The following CLN6 variants were observed in gnomAD, a reference collection of about 807,000 sequenced individuals.
The protein encoded by CLN6 is ceroid-lipofuscinosis neuronal protein 6.
Under a neutral mutation model 33.3 loss-of-function variants are expected in CLN6, and 22 were observed. That is an observed-to-expected ratio of 0.66 (90% CI 0.47 to 0.94). The LOEUF (loss-of-function observed/expected upper bound fraction) is 0.94, where lower values mean the gene tolerates loss of function less well. CLN6 is among the 40% of genes least tolerant of loss of function. The pLI is 0.00. For synonymous variants in CLN6, 201 were observed against 174.6 expected, an observed-to-expected ratio of 1.15 and a Z score of -1.19; for missense variants, 387 against 417.1, an observed-to-expected ratio of 0.93 and a Z score of 0.63.
In CLN6 at chr15:68,211,272, T is replaced by C. The variant is rs1470437751; in HGVS notation, c.533A>G (p.His178Arg). The C allele has an allele frequency of 6.2e-7, 1 of 1,613,884 alleles. No individual in the cohort carries two copies. Among genetic ancestry groups the C allele is most frequent in the Non-Finnish European group, 8.5e-7 (1 of 1,180,000 alleles). Reference protein sequence around the residue: ...LLYYYDEYLGHCMWYIPFFLI... With the variant: ...LLYYYDEYLGRCMWYIPFFLI... ...TGGGCCCATCACTCACCACATGCAGTGACCCAGGTACTCATCATAATAGTA... is the reference window on the plus strand; with the variant it reads ...TGGGCCCATCACTCACCACATGCAGCGACCCAGGTACTCATCATAATAGTA... The change falls in exon 5 of 7, where the codon CAC (histidine) becomes CGC (arginine). Residue 178 changes from histidine (H) to arginine (R), a missense_variant. His to Arg is a conservative substitution (Grantham distance 29). Transcript: ENST00000249806. The surrounding 1 kb of genome is among the most constrained non-coding windows in gnomAD (Gnocchi z 5.9).
upstream of CLN6, among the ~76,000 whole-genome samples, chr15:68,233,309 G>T (rs8041416): frequency 6.7e-6 from 1 of 148,680 alleles, no homozygotes; most frequent in Non-Finnish European, 1.5e-5. The surrounding 1 kb of genome is among the most constrained non-coding windows in gnomAD (Gnocchi z 4.3). Flanking sequence ...ACGGGGGGGT[G>T]GGGGGGGTGG....
At chr15:68,254,212 G>A (rs182231070) in intron 1 of CLN6, among the ~76,000 whole-genome samples, 1 of 152,232 alleles carries the variant, frequency 6.6e-6, no homozygotes, top group Non-Finnish European at 1.5e-5. Context: ...TCAAGAAAAT[G>A]GTCGACATGA....
chr15:68,226,175 TG>T (rs1046357395), intron 1 of CLN6, among the ~76,000 whole-genome samples: 1 of 151,688 alleles, frequency 6.6e-6, no homozygotes, highest in Non-Finnish European at 1.5e-5. Context: ...AAAAATTAGC[TG>T]GGCGTGGTGC....
At chr15:68,230,286 G>A (rs1344853988), upstream of CLN6, among the ~76,000 whole-genome samples, 1 of 152,110 alleles carries the variant, frequency 6.6e-6, no homozygotes, top group African/African-American at 2.4e-5. The surrounding 1 kb of genome is among the most constrained non-coding windows in gnomAD (Gnocchi z 4.0). Flanking sequence ...CCCCTGGGTG[G>A]ATAGTGGAGG....
intron 1 of CLN6, among the ~76,000 whole-genome samples, chr15:68,225,470 G>C (rs183249708): frequency 6.6e-6 from 1 of 152,030 alleles, no homozygotes; most frequent in African/African-American, 2.4e-5. Context: ...TTAGGGTAGG[G>C]GACTAATATC....
In CLN6 at chr15:68,207,495, C is replaced by A. The variant is rs1237707627; in HGVS notation, c.*645G>T. ...GGGCAGGGGTCTGGAGTGCACATAG[C>A]CCCCAGGCAGGGAGAGGGCAGTGAC... is the stretch of plus-strand genomic sequence containing the variant. On this transcript the variant is annotated 3_prime_UTR_variant, in exon 7 of 7. Transcript: ENST00000249806. The A allele has an allele frequency of 6.1e-6, 1 of 163,168 alleles. No individual in the cohort carries two copies. Among genetic ancestry groups the A allele is most frequent in the Non-Finnish European group, 1.4e-5 (1 of 73,496 alleles). 10.1% of individuals were successfully genotyped at this position (163,168 alleles called of 1,614,324 possible).
chr15:68,229,598 G>A lies in CLN6; in HGVS notation c.-14C>T, dbSNP rs1374923458. ...CGTCGCCTCCATGGCTGCCCCGCAG[G>A]CCCCTCGGCCCTGCCTTTCCGAGGA... On this transcript the variant is annotated 5_prime_UTR_variant, in exon 1 of 7. Transcript: ENST00000249806. The A allele has an allele frequency of 2.1e-6, 3 of 1,455,162 alleles. No homozygotes were observed. The highest frequency in any genetic ancestry group is 2.7e-6 in the Non-Finnish European group (3 of 1,106,896). 90.1% of individuals were successfully genotyped at this position (1,455,162 alleles called of 1,614,324 possible).
At position 68,209,774 on chromosome 15, in the gene CLN6, C is replaced by A; in HGVS notation, c.543-15G>T. The stretch of plus-strand genomic sequence containing the variant: ...AGGGGATGTACCTGTGACAGGAAGG[C>A]CAGTGTCTTAGAGGCCTGCTCAGCG... On this transcript the variant is annotated splice_polypyrimidine_tract_variant and intron_variant, in intron 5 of 6. Transcript: ENST00000249806. The surrounding 1 kb of genome is among the most constrained non-coding windows in gnomAD (Gnocchi z 4.9). The A allele has an allele frequency of 6.2e-7, 1 of 1,612,452 alleles. No individual in the cohort carries two copies. The highest frequency in any genetic ancestry group is 8.5e-7 in the Non-Finnish European group (1 of 1,179,456).
Position 68,211,899 on chromosome 15 carries a change from C to T in CLN6, c.298-36G>A, listed in dbSNP as rs1267844502. 1 of 1,605,834 alleles carries T rather than the reference C, an allele frequency of 6.2e-7. No individual in the cohort carries two copies. Among genetic ancestry groups the T allele is most frequent in the Admixed American group, 1.7e-5 (1 of 59,942 alleles). On this transcript the variant is annotated intron_variant, in intron 3 of 6. Transcript: ENST00000249806. This position sits in a 1 kb window ranked among gnomAD's most constrained non-coding sequence, Gnocchi z 5.9. ...GAGTGGGGTTGGCAGCATGACCCCA[C>T]CTCTGTCACAGTATGTGACACCCTC...
Position 68,229,561 on chromosome 15 carries a change from C to T in CLN6, c.24G>A (p.Gln8=), listed in dbSNP as rs2093262723. The T allele has an allele frequency of 6.8e-7, 1 of 1,467,730 alleles. No individual in the cohort carries two copies. Among genetic ancestry groups the T allele is most frequent in the Non-Finnish European group, 9.0e-7 (1 of 1,114,470 alleles). The allele number at this position is 1,467,730 out of a possible 1,614,324, so 90.9% of individuals were successfully genotyped here. The change falls in exon 1 of 7, where the codon CAG becomes CAA. Residue 8 remains glutamine (Q), a synonymous_variant. Coordinates refer to ENST00000249806, the MANE Select transcript of CLN6 (RefSeq NM_017882.3). ...CTGGGCCGCCCGTCGCTCCCAGGTG[C>T]TGCCGCCTCCGCGTCGCCTCCATGG... is the stretch of plus-strand genomic sequence containing the variant. MEATRRR[Q]HLGATGGPGA...
intron 1 of CLN6, among the ~76,000 whole-genome samples, chr15:68,251,967 C>CTTTTTTT (rs35907860): frequency 2.8e-5 from 2 of 71,868 alleles, no homozygotes; most frequent in Non-Finnish European, 5.2e-5. Context: ...ATGTGTGAAT[C>CTTTTTTT]TTTTTTTTTT....
intron 1 of CLN6, among the ~76,000 whole-genome samples, chr15:68,252,239 G>C (rs1050278875): frequency 6.6e-6 from 1 of 152,082 alleles, no homozygotes; most frequent in South Asian, 2.1e-4. Context: ...CTCCCAAAGT[G>C]CTGGGATTAC....
At position 68,229,464 on chromosome 15, in the gene CLN6, G is replaced by A; in HGVS notation, c.83+38C>T. On this transcript the variant is annotated intron_variant, in intron 1 of 6. Coordinates refer to ENST00000249806, the MANE Select transcript of CLN6 (RefSeq NM_017882.3). ...GCGGGTCCCGAGGCCCCAGCGCACA[G>A]GCGCCTAGCCCGCCCTCTCACCCCG... The A allele has an allele frequency of 2.1e-6, 3 of 1,430,734 alleles. 1 individual carries two copies. Among genetic ancestry groups the A allele is most frequent in the South Asian group, 2.6e-5 (2 of 76,332 alleles). 88.6% of individuals were successfully genotyped at this position (1,430,734 alleles called of 1,614,324 possible). A position where few individuals can be genotyped will look rare whatever the true frequency, so the allele number is the denominator to read the frequency against.
chr15:68,248,056 G>C (rs1466449123), intron 1 of CLN6, among the ~76,000 whole-genome samples: 2 of 150,994 alleles, frequency 1.3e-5, no homozygotes, highest in African/African-American at 4.9e-5. Context: ...AACAAATCTG[G>C]AAGCATCACA....
At chr15:68,233,862 G>C (rs781142241), upstream of CLN6, among the ~76,000 whole-genome samples, 1 of 152,198 alleles carries the variant, frequency 6.6e-6, no homozygotes, top group Non-Finnish European at 1.5e-5. This position sits in a 1 kb window ranked among gnomAD's most constrained non-coding sequence, Gnocchi z 4.3. Flanking sequence ...GGGGGAAGAT[G>C]GAGACTGTCT....
chr15:68,230,349 T>C (rs898427824), upstream of CLN6, among the ~76,000 whole-genome samples: 2 of 152,080 alleles, frequency 1.3e-5, no homozygotes, highest in East Asian at 3.9e-4. This position sits in a 1 kb window ranked among gnomAD's most constrained non-coding sequence, Gnocchi z 4.0. Context: ...AGATTCATCT[T>C]TGAACGCATT....
At chr15:68,222,333 C>T (rs553398976) in intron 1 of CLN6, among the ~76,000 whole-genome samples, 58 of 136,836 alleles carry the variant, frequency 4.2e-4, no homozygotes, top group African/African-American at 1.5e-3. Context: ...GGCTGCCCAT[C>T]GTCTGTCTGG....
At chr15:68,223,700 A>G (rs1169925656) in intron 1 of CLN6, among the ~76,000 whole-genome samples, 1 of 152,000 alleles carries the variant, frequency 6.6e-6, no homozygotes, top group Non-Finnish European at 1.5e-5. Flanking sequence ...CACCTTGGTC[A>G]ATGAGAATCC....
intron 1 of CLN6, among the ~76,000 whole-genome samples, chr15:68,240,938 C>T (rs1398604786): frequency 4.0e-5 from 6 of 149,194 alleles, no homozygotes; most frequent in Non-Finnish European, 7.4e-5. Flanking sequence ...GAGCCGAGAT[C>T]GCACCACTGC....
Sources: allele counts gnomAD v4.1 joint callset (sites outside exome capture counted in the v4.1 genomes callset), GRCh38; gene constraint gnomAD v4.1.1; non-coding constraint Gnocchi (gnomAD v3.1); transcripts MANE v1.5; gene names NCBI Gene and HGNC (gene_info 2026-07-23, HGNC 2026-07-21).